The following PCDHA11 variants were observed in gnomAD, a reference collection of about 807,000 sequenced individuals.
PCDHA11 encodes the protein protocadherin alpha-11.
PCDHA11 carries 61 observed loss-of-function variants against 70.3 expected under a neutral mutation model. The observed-to-expected ratio is 0.87, with a 90% CI of 0.71 to 1.07. The LOEUF (loss-of-function observed/expected upper bound fraction) is 1.07. Among genes scored for constraint, PCDHA11 ranks in the 50% least tolerant of loss-of-function variants. PCDHA11 has a pLI of 0.00. For missense variants in PCDHA11, 1,324 were observed against 1,237.5 expected, an observed-to-expected ratio of 1.07 and a Z score of -1.05; for synonymous variants, 633 against 555.1, an observed-to-expected ratio of 1.14 and a Z score of -1.97.
intron 1 of PCDHA11, among the ~76,000 whole-genome samples, chr5:140,972,660 ATTTTTTTT>A (rs11350929): frequency 6.0e-5 from 7 of 117,270 alleles, no homozygotes; most frequent in African/African-American, 2.0e-4. Flanking sequence ...AAGAAACCAA[ATTTTTTTT>A]TTTTTTTTTT....
chr5:141,000,304 G>A (rs1225893261), intron 3 of PCDHA11, among the ~76,000 whole-genome samples: 1 of 147,530 alleles, frequency 6.8e-6, no homozygotes, highest in Non-Finnish European at 1.5e-5. Context: ...GAGGCCAGGA[G>A]TTCAAGACCA....
chr5:140,969,907 G>A (rs2096367708), intron 1 of PCDHA11, among the ~76,000 whole-genome samples: 1 of 152,204 alleles, frequency 6.6e-6, no homozygotes, highest in Non-Finnish European at 1.5e-5. Context: ...CATGTCACAA[G>A]TGATAAAGCT....
In PCDHA11 at chr5:140,934,078, G is replaced by A. The variant is rs13188437; in HGVS notation, c.2392-44871G>A. On this transcript the variant is annotated intron_variant, in intron 1 of 3. Transcript: ENST00000398640. ...GGCTAACTTTTGGTGTTTTGGGTTC[G>A]CTTTGTTGTATGTTTGCTTTCTATT... is the stretch of plus-strand genomic sequence containing the variant. 1.4e-3 allele frequency among the ~76,000 whole-genome samples: 217 copies of A among 151,620 alleles called. 1 individual carries two copies. Among genetic ancestry groups the A allele is most frequent in the African/African-American group, 4.8e-3 (200 of 41,380 alleles).
intron 1 of PCDHA11, among the ~76,000 whole-genome samples, chr5:140,902,484 G>T (rs1211102117): frequency 3.3e-5 from 5 of 152,096 alleles, no homozygotes; most frequent in African/African-American, 1.2e-4. Context: ...TGCCTGCTCA[G>T]TATGATACTA....
chr5:141,000,389 CTCTCTCTATATATA>C (rs1429861640), intron 3 of PCDHA11, among the ~76,000 whole-genome samples: 15 of 62,586 alleles, frequency 2.4e-4, no homozygotes, highest in African/African-American at 9.8e-4. Flanking sequence ...CTCTCTCTCT[CTCTCTCTATATATA>C]TATATATATA....
Position 140,875,735 on chromosome 5 carries a change from C to G in PCDHA11, c.2391+4241C>G, listed in dbSNP as rs376701509. ...CAGAATGGCATTTTGTTTGTGAATT[C>G]TCGGATCGACCGCGAGAAGCTGTGC... is the stretch of plus-strand genomic sequence containing the variant. On this transcript the variant is annotated intron_variant, in intron 1 of 3. Coordinates refer to ENST00000398640, the MANE Select transcript of PCDHA11 (RefSeq NM_018902.5). The G allele has an allele frequency of 5.0e-5, 80 of 1,614,232 alleles. No individual in the cohort carries two copies. The South Asian group carries it at 5.4e-4, about 11-fold the overall frequency.
At chr5:140,929,678 T>C in intron 1 of PCDHA11, 1 of 305,066 alleles carries the variant, frequency 3.3e-6, no homozygotes, top group East Asian at 5.8e-5. Flanking sequence ...ATGAAAAATA[T>C]GTAAGAGTCT....
intron 1 of PCDHA11, among the ~76,000 whole-genome samples, chr5:140,938,547 C>CTTTTA (rs59072362): frequency 0.32 from 48,749 of 151,290 alleles, 8,071 homozygotes; most frequent in East Asian, 0.53. Flanking sequence ...GATTTTTATC[C>CTTTTA]TTTTATTAAT....
chr5:140,877,982 T>A, intron 1 of PCDHA11: 1 of 1,221,278 alleles, frequency 8.2e-7, no homozygotes, highest in Non-Finnish European at 1.1e-6. Flanking sequence ...CTTACTCATT[T>A]TGAACTTTTA....
chr5:140,998,629 A>G (rs989469969), intron 3 of PCDHA11, among the ~76,000 whole-genome samples: 3 of 152,064 alleles, frequency 2.0e-5, no homozygotes, highest in African/African-American at 7.2e-5. Context: ...CAATGGCACA[A>G]TCTCAGCTCA....
intron 1 of PCDHA11, chr5:140,883,325 A>C: frequency 6.2e-7 from 1 of 1,614,118 alleles, no homozygotes; most frequent in Non-Finnish European, 8.5e-7. Context: ...GGTTACCATC[A>C]CTTCTTTGTC....
intron 1 of PCDHA11, among the ~76,000 whole-genome samples, chr5:140,944,025 A>C (rs981840753): frequency 6.6e-6 from 1 of 152,236 alleles, no homozygotes; most frequent in Admixed American, 6.5e-5. Flanking sequence ...AATTATCTTC[A>C]AAATATGGAA....
At position 141,003,456 on chromosome 5, in the gene PCDHA11, C is replaced by T. The variant is rs187279966; in HGVS notation, c.2540-6171C>T. Among the ~76,000 whole-genome samples the T allele has an allele frequency of 1.2e-3, 188 of 152,136 alleles. 1 individual carries two copies. The highest frequency in any genetic ancestry group is 4.1e-3 in the African/African-American group (172 of 41,508). On this transcript the variant is annotated intron_variant, in intron 3 of 3. Transcript: ENST00000398640. ...CCTCCCAAGTAGATGAAATTACAGGCGTGCACCACCACAGTCTCGCTAATT... is the reference window on the plus strand; with the variant it reads ...CCTCCCAAGTAGATGAAATTACAGGTGTGCACCACCACAGTCTCGCTAATT...
At chr5:140,934,100 T>C (rs554832439) in intron 1 of PCDHA11, among the ~76,000 whole-genome samples, 3 of 152,280 alleles carry the variant, frequency 2.0e-5, no homozygotes, top group Non-Finnish European at 4.4e-5. Context: ...GTTTGCTTTC[T>C]ATTTTATTAA....
In PCDHA11 at chr5:140,928,308, C is replaced by T. The variant is rs1554205728; in HGVS notation, c.2392-50641C>T. On this transcript the variant is annotated intron_variant, in intron 1 of 3. Transcript: ENST00000398640. The stretch of plus-strand genomic sequence containing the variant: ...TAGGCCGAGTGTTTGCCCAGGACCC[C>T]GACCTGGGGAAGAATGGCCTTGTCT... 3.7e-6 allele frequency: 6 copies of T among 1,614,008 alleles called. No individual in the cohort carries two copies. The South Asian group carries it at 5.5e-5, about 15-fold the overall frequency.
At chr5:140,896,226 T>C (rs1554186874) in intron 1 of PCDHA11, among the ~76,000 whole-genome samples, 1 of 152,242 alleles carries the variant, frequency 6.6e-6, no homozygotes, top group Non-Finnish European at 1.5e-5. Flanking sequence ...GTCTTTATAG[T>C]AGAATGACTT....
chr5:140,901,146 C>A (rs1463079898), intron 1 of PCDHA11, among the ~76,000 whole-genome samples: 1 of 152,180 alleles, frequency 6.6e-6, no homozygotes, highest in African/African-American at 2.4e-5. Flanking sequence ...AATATTTTCT[C>A]TCAATCTGTG....
At chr5:140,875,346 T>A in intron 1 of PCDHA11, 1 of 1,443,436 alleles carries the variant, frequency 6.9e-7, no homozygotes, top group Non-Finnish European at 9.1e-7. Flanking sequence ...GACTCCATAA[T>A]GACTGTGATG....
At chr5:140,960,299 A>G (rs246005) in intron 1 of PCDHA11, among the ~76,000 whole-genome samples, 1 of 151,808 alleles carries the variant, frequency 6.6e-6, no homozygotes. Flanking sequence ...TTTCTTCATC[A>G]ATACCAACCT....
Sources: gnomAD v4.1 joint callset for allele counts (sites outside exome capture counted in the v4.1 genomes callset) on GRCh38, gnomAD v4.1.1 for gene constraint, MANE v1.5 for transcripts, NCBI Gene and HGNC (gene_info 2026-07-23, HGNC 2026-07-21) for gene names.